KLHL1: variants seen among roughly 807,000 people sequenced by gnomAD.
KLHL1 encodes kelch-like protein 1.
KLHL1 carries 47 observed loss-of-function variants against 77.7 expected under a neutral mutation model. The observed-to-expected ratio is 0.60, with a 90% CI of 0.48 to 0.77. The LOEUF (loss-of-function observed/expected upper bound fraction) is 0.77. Ranked by LOEUF, KLHL1 falls within the 30% of genes least tolerant of loss-of-function variation. The pLI is 0.00. For synonymous variants in KLHL1, 360 were observed against 325.2 expected (o/e 1.11, Z -1.15); for missense variants, 925 against 910.8 (o/e 1.02, Z -0.20).
chr13:70,067,669 T>A (rs1887042122), intron 1 of KLHL1, among the ~76,000 whole-genome samples: 2 of 151,228 alleles, frequency 1.3e-5, no homozygotes, highest in Admixed American at 1.3e-4. Flanking sequence ...ACAAAAAGGT[T>A]CTTGATGTGG....
chr13:70,064,649 GT>G (rs1241202741), intron 1 of KLHL1, among the ~76,000 whole-genome samples: 2 of 152,112 alleles, frequency 1.3e-5, no homozygotes, highest in East Asian at 1.9e-4. Flanking sequence ...CGTTGTAGTT[GT>G]AGTGCCTAAC....
At chr13:70,066,351 A>C (rs937515778) in intron 1 of KLHL1, among the ~76,000 whole-genome samples, 1 of 152,200 alleles carries the variant, frequency 6.6e-6, no homozygotes, top group Non-Finnish European at 1.5e-5. Flanking sequence ...TTTATTGAAT[A>C]CCTACTATAC....
chr13:69,846,357 A>G (rs924891489), intron 5 of KLHL1, among the ~76,000 whole-genome samples: 6 of 151,510 alleles, frequency 4.0e-5, no homozygotes, highest in African/African-American at 2.4e-5. Context: ...AGAATCAAAC[A>G]TGACCAGGAA....
chr13:70,018,478 A>G (rs924419430), intron 1 of KLHL1, among the ~76,000 whole-genome samples: 4 of 152,200 alleles, frequency 2.6e-5, no homozygotes, highest in South Asian at 2.1e-4. Flanking sequence ...GACAGCTGAA[A>G]TCTATGAAGA....
At chr13:69,994,648 G>A (rs775218185) in intron 1 of KLHL1, among the ~76,000 whole-genome samples, 1 of 152,044 alleles carries the variant, frequency 6.6e-6, no homozygotes, top group African/African-American at 2.4e-5. Flanking sequence ...GATTCAAAGG[G>A]TATCAGATTA....
chr13:69,965,077 C>A (rs1884174706), intron 2 of KLHL1, among the ~76,000 whole-genome samples: 1 of 152,118 alleles, frequency 6.6e-6, no homozygotes, highest in Non-Finnish European at 1.5e-5. Flanking sequence ...TTTTTGATGG[C>A]TTTAAAAATA....
At chr13:70,042,806 T>A (rs1593698138) in intron 1 of KLHL1, among the ~76,000 whole-genome samples, 2 of 152,320 alleles carry the variant, frequency 1.3e-5, no homozygotes, top group East Asian at 3.9e-4. Flanking sequence ...ATTGCTATCC[T>A]AGGAGATGAC....
intron 9 of KLHL1, among the ~76,000 whole-genome samples, chr13:69,713,695 G>C (rs963791758): frequency 4.0e-5 from 6 of 150,956 alleles, no homozygotes; most frequent in South Asian, 4.2e-4. Context: ...TAATATATTT[G>C]AAATGAGAAT....
At chr13:69,861,691 T>C (rs559880321) in intron 5 of KLHL1, among the ~76,000 whole-genome samples, 1 of 149,546 alleles carries the variant, frequency 6.7e-6, no homozygotes, top group South Asian at 2.1e-4. Context: ...GGCTCACGCC[T>C]GTAATCCCAG....
chr13:69,771,566 T>C (rs1252260720), intron 7 of KLHL1, among the ~76,000 whole-genome samples: 2 of 152,182 alleles, frequency 1.3e-5, no homozygotes, highest in East Asian at 3.9e-4. Flanking sequence ...CTAGCAGCAA[T>C]TGACCTTTGT....
intron 7 of KLHL1, among the ~76,000 whole-genome samples, chr13:69,755,087 G>A (rs1023727274): frequency 6.6e-6 from 1 of 152,080 alleles, no homozygotes; most frequent in African/African-American, 2.4e-5. Context: ...AATGTTGGAG[G>A]TGGAGCCTGG....
intron 1 of KLHL1, among the ~76,000 whole-genome samples, chr13:70,088,711 T>TA (rs1887603694): frequency 6.6e-6 from 1 of 151,906 alleles, no homozygotes; most frequent in Admixed American, 6.6e-5. Flanking sequence ...TAAAATAAAA[T>TA]AAAAAACAAT....
At chr13:69,855,977 GT>G (rs1384579869) in intron 5 of KLHL1, among the ~76,000 whole-genome samples, 1 of 146,424 alleles carries the variant, frequency 6.8e-6, no homozygotes, top group African/African-American at 2.5e-5. Context: ...TAATATACAT[GT>G]TTTTTATATA....
At chr13:69,929,994 G>A (rs1306256592) in intron 4 of KLHL1, among the ~76,000 whole-genome samples, 1 of 151,824 alleles carries the variant, frequency 6.6e-6, no homozygotes, top group African/African-American at 2.4e-5. Context: ...GCTGATTTGG[G>A]AAGTTGGTAA....
intron 5 of KLHL1, among the ~76,000 whole-genome samples, chr13:69,856,915 A>G (rs1449392265): frequency 1.3e-5 from 2 of 152,024 alleles, no homozygotes; most frequent in African/African-American, 4.8e-5. Flanking sequence ...CTGCTGTCTA[A>G]GGCCAGTCAC....
At chr13:69,988,276 T>C (rs2137309221) in intron 1 of KLHL1, among the ~76,000 whole-genome samples, 1 of 152,214 alleles carries the variant, frequency 6.6e-6, no homozygotes, top group Admixed American at 6.6e-5. Context: ...CCTTCCATGT[T>C]CCTGCAAGGA....
rs559553226 is a variant in KLHL1, at chr13:69,878,287, C to A, written c.1227+3996G>T. Among the ~76,000 whole-genome samples, 5 of 151,752 alleles carry A rather than the reference C, an allele frequency of 3.3e-5. No individual in the cohort carries two copies. The South Asian group carries it at 8.3e-4, about 25-fold the overall frequency. On this transcript the variant is annotated intron_variant, in intron 5 of 10. Coordinates refer to ENST00000377844, the MANE Select transcript of KLHL1 (RefSeq NM_020866.3). Reference sequence around the variant, plus strand: ...TTTTGCTTTAAATATCTTTTAAAATCTTCTTTAATTGTTATACTCTTGTCT... The same window carrying A: ...TTTTGCTTTAAATATCTTTTAAAATATTCTTTAATTGTTATACTCTTGTCT...
rs1265156248 is a variant in KLHL1 at position 69,928,109 on chromosome 13, G to T, written c.1014+11931C>A. Among the ~76,000 whole-genome samples, 2 of 152,194 alleles carry T rather than the reference G, an allele frequency of 1.3e-5. 1 individual carries two copies. The highest frequency in any genetic ancestry group is 4.1e-4 in the South Asian group (2 of 4,830). Reference sequence around the variant, plus strand: ...CATTGTTCCTATAGATAGAATTTCAGACATTAGAATCATTAGGCTTTTGTT... The same window carrying T: ...CATTGTTCCTATAGATAGAATTTCATACATTAGAATCATTAGGCTTTTGTT... On this transcript the variant is annotated intron_variant, in intron 4 of 10. Transcript: ENST00000377844.
At chr13:69,985,912 A>T (rs893724679) in intron 1 of KLHL1, among the ~76,000 whole-genome samples, 4 of 147,612 alleles carry the variant, frequency 2.7e-5, no homozygotes, top group Non-Finnish European at 6.0e-5. Context: ...TATGTAAGTT[A>T]TATATATATG....
Sources: gnomAD v4.1 joint callset for allele counts (sites outside exome capture counted in the v4.1 genomes callset) on GRCh38, gnomAD v4.1.1 for gene constraint, MANE v1.5 for transcripts, NCBI Gene and HGNC (gene_info 2026-07-23, HGNC 2026-07-21) for gene names.